The following ST8SIA2 variants were observed in gnomAD, a reference collection of about 807,000 sequenced individuals.
ST8SIA2 encodes alpha-2,8-sialyltransferase 8B.
Under a neutral mutation model 37.6 loss-of-function variants are expected in ST8SIA2, and 22 were observed. The ratio of observed to expected loss-of-function variants is 0.58; its 90% confidence interval spans 0.42 to 0.83. The LOEUF is 0.83. Among genes scored for constraint, ST8SIA2 ranks in the 40% least tolerant of loss-of-function variants. ST8SIA2 has a pLI of 0.00. For synonymous variants in ST8SIA2, 205 were observed against 201.2 expected (o/e 1.02, Z -0.16); for missense variants, 382 against 484.7 (o/e 0.79, Z 1.99).
chr15:92,414,121 C>T (rs2049569976), intron 1 of ST8SIA2, among the ~76,000 whole-genome samples: 1 of 152,234 alleles, frequency 6.6e-6, no homozygotes, highest in African/African-American at 2.4e-5. Context: ...GCCTTCTGCA[C>T]AGCCTGAACG....
chr15:92,421,510 A>G (rs1043994621), intron 1 of ST8SIA2, among the ~76,000 whole-genome samples: 3 of 152,224 alleles, frequency 2.0e-5, no homozygotes, highest in African/African-American at 4.8e-5. Context: ...TACTCTTTGC[A>G]TTCATTAGCT....
intron 2 of ST8SIA2, among the ~76,000 whole-genome samples, chr15:92,432,136 T>A (rs1324666026): frequency 6.6e-6 from 1 of 152,110 alleles, no homozygotes; most frequent in East Asian, 1.9e-4. Flanking sequence ...GAACCCACCT[T>A]AAGCCATGAG....
At position 92,443,370 on chromosome 15, in the gene ST8SIA2, G is replaced by T. The variant is rs184340315; in HGVS notation, c.549-1266G>T. Among the ~76,000 whole-genome samples the T allele has an allele frequency of 4.5e-3, 681 of 152,242 alleles. 2 individuals are homozygous for T. Among genetic ancestry groups the T allele is most frequent in the African/African-American group, 0.015 (613 of 41,544 alleles). On this transcript the variant is annotated intron_variant, in intron 4 of 5. Transcript: ENST00000268164. Reference sequence around the variant, plus strand: ...AAACCCAGGTGTGCACACCCAGGCCGGGTCTCCCACAAGGAAGTCATCAGG... The same window carrying T: ...AAACCCAGGTGTGCACACCCAGGCCTGGTCTCCCACAAGGAAGTCATCAGG...
chr15:92,394,210 T>C, intron 1 of ST8SIA2, 48 bp downstream of exon 1: 1 of 1,471,928 alleles, frequency 6.8e-7, no homozygotes, highest in Non-Finnish European at 9.3e-7. Flanking sequence ...GCGGGATCTC[T>C]CCCTCCTTCT....
intron 1 of ST8SIA2, among the ~76,000 whole-genome samples, chr15:92,422,929 T>A (rs1368736250): frequency 6.6e-6 from 1 of 152,230 alleles, no homozygotes; most frequent in Non-Finnish European, 1.5e-5. Flanking sequence ...CTCTGTGATG[T>A]TCTGCCTCCT....
chr15:92,412,305 G>A (rs548764993), intron 1 of ST8SIA2, among the ~76,000 whole-genome samples: 1 of 152,070 alleles, frequency 6.6e-6, no homozygotes, highest in African/African-American at 2.4e-5. Flanking sequence ...TCAATGATAG[G>A]GTCACAGTCA....
At chr15:92,413,037 G>A (rs2049561098) in intron 1 of ST8SIA2, among the ~76,000 whole-genome samples, 1 of 151,822 alleles carries the variant, frequency 6.6e-6, no homozygotes, top group Non-Finnish European at 1.5e-5. Context: ...CTGGTGGGGG[G>A]TGTAGGGTGG....
chr15:92,412,222 A>G (rs980288890), intron 1 of ST8SIA2, among the ~76,000 whole-genome samples: 8 of 152,074 alleles, frequency 5.3e-5, no homozygotes, highest in Non-Finnish European at 1.2e-4. Context: ...GGAGAATAAT[A>G]TTTTAAAAAT....
At chr15:92,444,291 C>A (rs895556855) in intron 4 of ST8SIA2, among the ~76,000 whole-genome samples, 1 of 152,144 alleles carries the variant, frequency 6.6e-6, no homozygotes, top group Non-Finnish European at 1.5e-5. Context: ...ACTCTGTCAC[C>A]TAATGGGCCA....
intron 2 of ST8SIA2, among the ~76,000 whole-genome samples, chr15:92,433,688 A>T (rs2049733454): frequency 6.6e-6 from 1 of 152,246 alleles, no homozygotes; most frequent in Non-Finnish European, 1.5e-5. Context: ...CCTTGCGTAC[A>T]GTCTCCTATG....
intron 1 of ST8SIA2, among the ~76,000 whole-genome samples, chr15:92,424,453 A>G (rs1567215356): frequency 2.0e-5 from 3 of 152,302 alleles, no homozygotes; most frequent in Non-Finnish European, 1.5e-5. Flanking sequence ...TGCAGTTTTC[A>G]GGTTTTGCTA....
chr15:92,425,138 A>G (rs1193895486), intron 1 of ST8SIA2, among the ~76,000 whole-genome samples: 2 of 152,192 alleles, frequency 1.3e-5, no homozygotes, highest in South Asian at 2.1e-4. Flanking sequence ...CTATCAATCA[A>G]CCAGGCAGGT....
chr15:92,405,928 G>A (rs1000481629), intron 1 of ST8SIA2, among the ~76,000 whole-genome samples: 33 of 152,268 alleles, frequency 2.2e-4, no homozygotes, highest in African/African-American at 7.7e-4. Context: ...GAGTGATGGG[G>A]GAGAGAGGCC....
chr15:92,456,461 T>C (rs891857415), intron 5 of ST8SIA2, among the ~76,000 whole-genome samples: 17 of 152,208 alleles, frequency 1.1e-4, no homozygotes, highest in African/African-American at 3.6e-4. Context: ...AGGAAGTCAG[T>C]ACATTTGCTT....
intron 4 of ST8SIA2, among the ~76,000 whole-genome samples, chr15:92,439,554 G>A (rs1404932471): frequency 6.6e-6 from 1 of 152,178 alleles, no homozygotes; most frequent in African/African-American, 2.4e-5. Context: ...CCAACTCGAG[G>A]CAAAGACAGC....
intron 5 of ST8SIA2, among the ~76,000 whole-genome samples, chr15:92,460,746 C>T (rs895243585): frequency 3.3e-5 from 5 of 152,236 alleles, no homozygotes; most frequent in Admixed American, 1.3e-4. Flanking sequence ...ATTAGACCAA[C>T]CACATTCCTA....
chr15:92,458,148 T>C (rs2049932593), intron 5 of ST8SIA2, among the ~76,000 whole-genome samples: 2 of 152,126 alleles, frequency 1.3e-5, no homozygotes, highest in South Asian at 4.1e-4. Context: ...CAACAGAAGT[T>C]TATTTCTCAC....
intron 5 of ST8SIA2, among the ~76,000 whole-genome samples, chr15:92,455,364 CA>C (rs2049912758): frequency 6.6e-6 from 1 of 152,022 alleles, no homozygotes; most frequent in African/African-American, 2.4e-5. Context: ...TCTCTCTCTC[CA>C]ATTTTTTTTT....
intron 5 of ST8SIA2, among the ~76,000 whole-genome samples, chr15:92,451,701 G>A (rs578183796): frequency 7.9e-5 from 12 of 152,250 alleles, no homozygotes; most frequent in East Asian, 1.9e-4. Context: ...CATAGTGAAC[G>A]CTTACATGCC....
Sources: gnomAD v4.1 joint callset for allele counts (sites outside exome capture counted in the v4.1 genomes callset) on GRCh38, gnomAD v4.1.1 for gene constraint, MANE v1.5 for transcripts, NCBI Gene and HGNC (gene_info 2026-07-23, HGNC 2026-07-21) for gene names.